AKAP7: variants seen among roughly 807,000 people sequenced by gnomAD.
AKAP7 encodes A kinase (PRKA) anchor protein 7.
In AKAP7, 39 loss-of-function variants were observed where a neutral mutation model predicts 39.5. The ratio of observed to expected loss-of-function variants is 0.99; its 90% CI spans 0.76 to 1.29. The LOEUF is 1.29. Among genes scored for constraint, AKAP7 ranks in the 50% most tolerant of loss-of-function variants. The pLI is 0.00. For synonymous variants in AKAP7, 140 were observed against 139.1 expected (o/e 1.01, Z -0.05); for missense variants, 414 against 407.7 (o/e 1.02, Z -0.13).
rs1235587745 is a variant in AKAP7, at chr6:131,179,415, C to G, written c.589+10142C>G. Among the ~76,000 whole-genome samples, 3 of 152,292 alleles carry G rather than the reference C, an allele frequency of 2.0e-5. No homozygotes were observed. In the East Asian group the frequency reaches 5.8e-4, roughly 29 times the overall value. ...TCTCAAACTCCTGACCTCAAGTGATCTGCCTGCCTGGGCCTCCCAAAGTGC... is the reference window on the plus strand; with the variant it reads ...TCTCAAACTCCTGACCTCAAGTGATGTGCCTGCCTGGGCCTCCCAAAGTGC... On this transcript the variant is annotated intron_variant, in intron 5 of 7. Coordinates refer to ENST00000431975, the MANE Select transcript of AKAP7 (RefSeq NM_016377.4).
intron 5 of AKAP7, chr6:131,184,809 G>A: frequency 6.8e-7 from 1 of 1,460,336 alleles, no homozygotes; most frequent in South Asian, 1.1e-5. Context: ...AGTGAGAGTG[G>A]GCATAGTGGT....
chr6:131,135,959 A>AG (rs1800501582), intron 1 of AKAP7, among the ~76,000 whole-genome samples, 177 bp downstream of exon 1: 1 of 152,080 alleles, frequency 6.6e-6, no homozygotes, highest in African/African-American at 2.4e-5. Flanking sequence ...CGGGGTGTAC[A>AG]TCAGTGCTGC....
intron 7 of AKAP7, among the ~76,000 whole-genome samples, chr6:131,265,644 A>G (rs1813725109): frequency 6.6e-6 from 1 of 152,206 alleles, no homozygotes; most frequent in Non-Finnish European, 1.5e-5. Context: ...TAGAACAAAA[A>G]AAAATTACAG....
chr6:131,261,258 A>AAAT (rs1200727822), intron 7 of AKAP7, among the ~76,000 whole-genome samples: 1 of 152,108 alleles, frequency 6.6e-6, no homozygotes, highest in Admixed American at 6.6e-5. Context: ...TAAGACCAAC[A>AAAT]AATATGCTTT....
intron 1 of AKAP7, chr6:131,137,301 A>G (rs887292053): frequency 6.6e-6 from 1 of 152,052 alleles, no homozygotes; most frequent in Non-Finnish European, 1.5e-5. Flanking sequence ...TTACTTCACA[A>G]AATTGAGTAG....
At chr6:131,132,608 C>G (rs995344609), upstream of AKAP7, among the ~76,000 whole-genome samples, 3 of 152,266 alleles carry the variant, frequency 2.0e-5, no homozygotes, top group East Asian at 3.9e-4. Flanking sequence ...AACACCCCAC[C>G]GAGATTTTGA....
intron 7 of AKAP7, among the ~76,000 whole-genome samples, chr6:131,238,098 A>G (rs1259746502): frequency 6.6e-6 from 1 of 151,942 alleles, no homozygotes; most frequent in Non-Finnish European, 1.5e-5. Context: ...AGATTCTGGT[A>G]TGTTGTGTCT....
At chr6:131,250,210 T>C (rs746939042) in intron 7 of AKAP7, 32 of 1,010,600 alleles carry the variant, frequency 3.2e-5, no homozygotes, top group South Asian at 4.6e-5. Context: ...TTTTCTCGAC[T>C]ACCTTTCTTA....
chr6:131,241,623 G>GTATATATACATATATATATATATA, intron 7 of AKAP7, among the ~76,000 whole-genome samples: 1 of 68,576 alleles, frequency 1.5e-5, no homozygotes, highest in East Asian at 2.1e-4. Context: ...GTGTGTGTGT[G>GTATATATACATATATATATATATA]TGTGTATATA....
intron 1 of AKAP7, among the ~76,000 whole-genome samples, chr6:131,141,899 C>CTTTTTTTTTT (rs773131426): frequency 1.7e-5 from 2 of 116,230 alleles, no homozygotes; most frequent in South Asian, 2.8e-4. Context: ...TTCTTTCTTT[C>CTTTTTTTTTT]TTTTTTTTTT....
At chr6:131,190,776 T>A (rs192097395) in intron 5 of AKAP7, among the ~76,000 whole-genome samples, 13 of 152,338 alleles carry the variant, frequency 8.5e-5, no homozygotes, top group Middle Eastern at 3.4e-3. Context: ...TGTTTTAATT[T>A]TCTGTTAACA....
At chr6:131,132,366 A>G (rs1800347808), upstream of AKAP7, among the ~76,000 whole-genome samples, 2 of 152,084 alleles carry the variant, frequency 1.3e-5, no homozygotes, top group Admixed American at 6.5e-5. Flanking sequence ...TATGAAAGCA[A>G]AAAAGAACCA....
At chr6:131,246,446 C>T (rs148985400) in intron 7 of AKAP7, among the ~76,000 whole-genome samples, 4 of 152,278 alleles carry the variant, frequency 2.6e-5, no homozygotes, top group South Asian at 4.1e-4. Flanking sequence ...TTTTCCTCAT[C>T]AAGGTTAACC....
intron 6 of AKAP7, among the ~76,000 whole-genome samples, chr6:131,200,243 G>A (rs990391279): frequency 2.0e-5 from 3 of 152,248 alleles, no homozygotes; most frequent in South Asian, 2.1e-4. Context: ...CGCAGAAGTC[G>A]GAGCAACTTT....
chr6:131,129,718 C>T, the AKAP7 span, among the ~76,000 whole-genome samples: 7 of 152,154 alleles, frequency 4.6e-5, no homozygotes, highest in Admixed American at 2.0e-4. Context: ...TATACTCAAA[C>T]ATTAATTGAA....
upstream of AKAP7, among the ~76,000 whole-genome samples, chr6:131,132,601 A>G (rs941418256): frequency 6.9e-6 from 1 of 144,250 alleles, no homozygotes; most frequent in African/African-American, 2.6e-5. Context: ...GGACCACAAC[A>G]CCCCACCGAG....
intron 7 of AKAP7, among the ~76,000 whole-genome samples, chr6:131,223,322 A>T (rs1809867130): frequency 1.3e-5 from 2 of 152,330 alleles, no homozygotes; most frequent in South Asian, 4.1e-4. Context: ...ACACCTATGG[A>T]TGTATACATC....
At chr6:131,255,805 A>C (rs900737250) in intron 7 of AKAP7, among the ~76,000 whole-genome samples, 3 of 152,184 alleles carry the variant, frequency 2.0e-5, no homozygotes, top group Admixed American at 6.5e-5. Flanking sequence ...TAGAGCTAAG[A>C]GTCTAGGGAA....
chr6:131,227,871 G>A (rs1328186846), intron 7 of AKAP7, among the ~76,000 whole-genome samples: 2 of 152,076 alleles, frequency 1.3e-5, no homozygotes, highest in East Asian at 1.9e-4. Context: ...TAAGACACTC[G>A]GACAGCCTAG....
Sources: gnomAD v4.1 joint callset for allele counts (sites outside exome capture counted in the v4.1 genomes callset) on GRCh38, gnomAD v4.1.1 for gene constraint, MANE v1.5 for transcripts, NCBI Gene and HGNC (gene_info 2026-07-23, HGNC 2026-07-21) for gene names.